MAP3K20: variants seen among roughly 807,000 people sequenced by gnomAD.
The protein encoded by MAP3K20 is mitogen-activated protein kinase kinase kinase 20.
In MAP3K20, 40 loss-of-function variants were observed where a neutral mutation model predicts 85.7. That is an observed-to-expected ratio of 0.47 (90% CI 0.36 to 0.61). MAP3K20 has a LOEUF of 0.61. Ranked by LOEUF, MAP3K20 falls within the 20% of genes least tolerant of loss-of-function variation. MAP3K20 has a pLI of 0.00. For synonymous variants in MAP3K20, 325 were observed against 327.7 expected (o/e 0.99, Z 0.09); for missense variants, 817 against 961.7 (o/e 0.85, Z 1.99).
chr2:173,148,076 T>C (rs1689187389), intron 2 of MAP3K20, among the ~76,000 whole-genome samples: 1 of 152,176 alleles, frequency 6.6e-6, no homozygotes. Flanking sequence ...ATAAATTTTC[T>C]GGATTTTTGT....
intron 9 of MAP3K20, among the ~76,000 whole-genome samples, chr2:173,206,720 A>G (rs1006058439): frequency 2.6e-5 from 4 of 152,206 alleles, no homozygotes; most frequent in African/African-American, 9.7e-5. Flanking sequence ...GGCAAGCTTT[A>G]TAAGGGTGTA....
At chr2:173,134,429 T>TATATATA (rs1553568231) in intron 2 of MAP3K20, among the ~76,000 whole-genome samples, 1 of 9,732 alleles carries the variant, frequency 1.0e-4, no homozygotes, top group Non-Finnish European at 2.1e-4. Context: ...TATATATATA[T>TATATATA]TTTTTTTTTT....
intron 8 of MAP3K20, among the ~76,000 whole-genome samples, chr2:173,200,580 A>T (rs748505776): frequency 1.7e-4 from 26 of 152,206 alleles, no homozygotes; most frequent in Non-Finnish European, 3.4e-4. Flanking sequence ...TCTTTTTTTT[A>T]ACTTTTTATT....
chr2:173,238,146 G>C (rs537196011), intron 14 of MAP3K20, among the ~76,000 whole-genome samples: 30 of 152,204 alleles, frequency 2.0e-4, no homozygotes, highest in Admixed American at 4.6e-4. Context: ...ATGAGACCTG[G>C]TCTCCAAAAT....
At chr2:173,158,389 C>T (rs1689544798) in intron 2 of MAP3K20, among the ~76,000 whole-genome samples, 4 of 152,114 alleles carry the variant, frequency 2.6e-5, no homozygotes, top group Admixed American at 1.3e-4. Context: ...GGTGACCTGG[C>T]ATCAGACTTT....
intron 16 of MAP3K20, among the ~76,000 whole-genome samples, chr2:173,244,713 T>TG (rs1246331057): frequency 6.6e-6 from 1 of 152,216 alleles, no homozygotes; most frequent in Non-Finnish European, 1.5e-5. Context: ...TGCCAGCCTA[T>TG]GTCTTAGCAT....
intron 11 of MAP3K20, chr2:173,223,939 A>G (rs1407872336): frequency 1.0e-6 from 1 of 985,452 alleles, no homozygotes; most frequent in African/African-American, 1.7e-5. Flanking sequence ...GAGAGAGCCA[A>G]TAGCATGGGG....
At chr2:173,248,852 G>T (rs557138704) in intron 16 of MAP3K20, among the ~76,000 whole-genome samples, 2 of 152,120 alleles carry the variant, frequency 1.3e-5, no homozygotes, top group East Asian at 3.8e-4. Flanking sequence ...TCAAGATTAC[G>T]AATTCCTTTT....
intron 1 of MAP3K20, chr2:173,090,643 GCTTCCCGT>G: frequency 2.0e-6 from 2 of 995,168 alleles, no homozygotes; most frequent in Non-Finnish European, 2.4e-6. Flanking sequence ...TGGAAAGCAT[GCTTCCCGT>G]CTGTCAGGGC....
At position 173,125,408 on chromosome 2, in the gene MAP3K20, T is replaced by C. The variant is rs1688412184; in HGVS notation, c.159+34218T>C. Among the ~76,000 whole-genome samples, 2 of 152,342 alleles carry C rather than the reference T, an allele frequency of 1.3e-5. 1 individual carries two copies. The highest frequency in any genetic ancestry group is 4.1e-4 in the South Asian group (2 of 4,830). On this transcript the variant is annotated intron_variant, in intron 2 of 19. Coordinates refer to ENST00000375213, the MANE Select transcript of MAP3K20 (RefSeq NM_016653.3). The stretch of plus-strand genomic sequence containing the variant: ...CAGGCTCATCACAGCAAAATAAGGA[T>C]CTCAGATTATCCTTAGAGCAACCTT...
chr2:173,097,281 G>A (rs879899137), intron 2 of MAP3K20, among the ~76,000 whole-genome samples: 13 of 152,116 alleles, frequency 8.5e-5, no homozygotes, highest in Non-Finnish European at 1.6e-4. Context: ...GCTTGAACCC[G>A]GGAGGCAGAG....
At chr2:173,209,072 G>T (rs73974105) in intron 9 of MAP3K20, among the ~76,000 whole-genome samples, 32,528 of 152,010 alleles carry the variant, frequency 0.21, 3,689 homozygotes, top group South Asian at 0.35. Flanking sequence ...TAAAATTGGG[G>T]TTTTTTCTTG....
At chr2:173,175,768 G>T (rs1317205813) in intron 3 of MAP3K20, among the ~76,000 whole-genome samples, 1 of 152,126 alleles carries the variant, frequency 6.6e-6, no homozygotes, top group Non-Finnish European at 1.5e-5. Flanking sequence ...GTTGATTGAT[G>T]AATTTCTTAG....
chr2:173,085,784 ATTTTTTTTTTTTT>A lies in MAP3K20; in HGVS notation c.-34-5197_-34-5185del, dbSNP rs61431056. On this transcript the variant is annotated intron_variant, in intron 1 of 19. Transcript: ENST00000375213. ...AAATTGCCTTTTTTGTGTAAAAGCA[ATTTTTTTTTTTTT>A]TTTTTTTTTTTTTTTTGAGATAGAG... 1.5e-4 allele frequency among the ~76,000 whole-genome samples: 11 copies of A among 73,760 alleles called. No individual in the cohort carries two copies. In the South Asian group the frequency reaches 4.7e-3, roughly 31 times the overall value. The allele number at this position is 73,760 out of a possible 152,430, so 48.4% of individuals were successfully genotyped here.
intron 2 of MAP3K20, among the ~76,000 whole-genome samples, chr2:173,118,278 G>A (rs567600884): frequency 5.6e-4 from 86 of 152,316 alleles, no homozygotes; most frequent in Non-Finnish European, 9.9e-4. Flanking sequence ...GAAAGAATGA[G>A]ATGTGAATTT....
intron 16 of MAP3K20, among the ~76,000 whole-genome samples, chr2:173,250,573 A>G (rs1461170271): frequency 6.6e-6 from 1 of 152,228 alleles, no homozygotes; most frequent in Admixed American, 6.5e-5. Context: ...CTGCGTTCGC[A>G]TGGACACCAT....
At chr2:173,110,842 T>C (rs1232725056) in intron 2 of MAP3K20, among the ~76,000 whole-genome samples, 3 of 152,240 alleles carry the variant, frequency 2.0e-5, no homozygotes, top group Admixed American at 2.0e-4. Context: ...GCATTTGGGT[T>C]GGTTCCATGA....
chr2:173,145,536 TTAAGGA>T (rs1689112839), intron 2 of MAP3K20, among the ~76,000 whole-genome samples: 1 of 152,162 alleles, frequency 6.6e-6, no homozygotes, highest in African/African-American at 2.4e-5. Context: ...ATGACAGTGG[TTAAGGA>T]TATCAAATGA....
chr2:173,151,982 G>A (rs1272437026), intron 2 of MAP3K20, among the ~76,000 whole-genome samples: 1 of 152,200 alleles, frequency 6.6e-6, no homozygotes, highest in Admixed American at 6.5e-5. Context: ...AATAAACTAT[G>A]TGGTCTGCCT....
Sources: allele counts gnomAD v4.1 joint callset (sites outside exome capture counted in the v4.1 genomes callset), GRCh38; gene constraint gnomAD v4.1.1; transcripts MANE v1.5; gene names NCBI Gene and HGNC (gene_info 2026-07-23, HGNC 2026-07-21).